DLG2: variants seen among roughly 807,000 people sequenced by gnomAD.
DLG2 encodes disks large homolog 2.
A neutral mutation model predicts 132.5 loss-of-function variants in DLG2; 45 were observed. The observed-to-expected ratio is 0.34, with a 90% CI of 0.27 to 0.44. The LOEUF is 0.44. Ranked by LOEUF, DLG2 falls within the 20% of genes least tolerant of loss-of-function variation. The probability of loss-of-function intolerance (pLI) is 1.00; values close to 1 mark genes in which losing one functional copy is unlikely to be tolerated. For missense variants in DLG2, 1,045 were observed against 1,196.9 expected, an observed-to-expected ratio of 0.87 and a Z score of 1.87; for synonymous variants, 424 against 419.6, an observed-to-expected ratio of 1.01 and a Z score of -0.13.
intron 15 of DLG2, among the ~76,000 whole-genome samples, chr11:83,917,142 C>T (rs79339106): frequency 0.018 from 2,769 of 152,256 alleles, 90 homozygotes; most frequent in African/African-American, 0.063. Flanking sequence ...AAGGCAATGA[C>T]AATTACCCTC....
chr11:84,050,077 A>C (rs1334247518), intron 11 of DLG2, among the ~76,000 whole-genome samples: 1 of 151,686 alleles, frequency 6.6e-6, no homozygotes, highest in East Asian at 1.9e-4. Context: ...ACTGAAACCA[A>C]GTTTTGTGGC....
chr11:84,842,754 T>C (rs1455789618), intron 6 of DLG2, among the ~76,000 whole-genome samples: 1 of 151,766 alleles, frequency 6.6e-6, no homozygotes, highest in Non-Finnish European at 1.5e-5. Context: ...AGTTTTAGGA[T>C]CATTAAAGGA....
intron 6 of DLG2, among the ~76,000 whole-genome samples, chr11:84,853,350 A>G (rs12362653): frequency 0.058 from 8,826 of 152,002 alleles, 371 homozygotes; most frequent in Non-Finnish European, 0.093. Flanking sequence ...TTCTTTTTCA[A>G]TAATATTACT....
chr11:84,429,823 A>G lies in DLG2; in HGVS notation c.519+104747T>C, dbSNP rs78122255. Among the ~76,000 whole-genome samples, 497 of 152,294 alleles carry G rather than the reference A, an allele frequency of 3.3e-3. 3 individuals carry two copies. The highest frequency in any genetic ancestry group is 0.012 in the African/African-American group (482 of 41,556). ...TTCCAACGTAATATCACTCAACAAT[A>G]TCAGGTAGAGGAATATCATTCTAAA... On this transcript the variant is annotated intron_variant, in intron 7 of 27. Coordinates refer to ENST00000376104, the MANE Select transcript of DLG2 (RefSeq NM_001142699.3).
intron 22 of DLG2, 120 bp from the exon 23 acceptor site, chr11:83,472,897 C>T: frequency 1.2e-6 from 1 of 800,784 alleles, no homozygotes; most frequent in Non-Finnish European, 2.0e-6. Flanking sequence ...GCTCTTTCTC[C>T]TTGAACCATT....
chr11:84,640,940 AAAAC>A (rs1484439786), intron 6 of DLG2, among the ~76,000 whole-genome samples: 1 of 143,700 alleles, frequency 7.0e-6, no homozygotes, highest in Admixed American at 6.8e-5. Flanking sequence ...ACTCTGTCTC[AAAAC>A]AAACAAACAA....
intron 19 of DLG2, among the ~76,000 whole-genome samples, chr11:83,624,119 CCAGAGTCTAG>C (rs1670331228): frequency 6.6e-6 from 1 of 152,078 alleles, no homozygotes; most frequent in African/African-American, 2.4e-5. Flanking sequence ...CTTTTTATTT[CCAGAGTCTAG>C]CAGAGTGTGA....
chr11:83,878,982 G>A (rs1265416286), intron 15 of DLG2, among the ~76,000 whole-genome samples: 4 of 152,116 alleles, frequency 2.6e-5, no homozygotes, highest in African/African-American at 9.7e-5. Context: ...GCACAATAGA[G>A]TTTCCTTTCC....
intron 7 of DLG2, among the ~76,000 whole-genome samples, chr11:84,413,961 T>C (rs1211058874): frequency 6.6e-6 from 1 of 152,202 alleles, no homozygotes; most frequent in African/African-American, 2.4e-5. Context: ...GAGTTCTTTT[T>C]ATCATAATAG....
chr11:83,696,497 A>G (rs891030469), intron 18 of DLG2, among the ~76,000 whole-genome samples: 10 of 152,224 alleles, frequency 6.6e-5, no homozygotes, highest in African/African-American at 2.4e-4. Context: ...CTTGAGTCAC[A>G]GTTTTGGGCA....
intron 22 of DLG2, chr11:83,480,470 C>T (rs1054872830): frequency 4.8e-5 from 73 of 1,511,416 alleles, no homozygotes; most frequent in Admixed American, 2.8e-4. Flanking sequence ...GCAGCCAGAA[C>T]GGAAAGGAAT....
In DLG2 at chr11:84,533,828, A is replaced by AT. The variant is rs1207572736; in HGVS notation, c.519+741dup. On this transcript the variant is annotated intron_variant, in intron 7 of 27. Coordinates refer to ENST00000376104, the MANE Select transcript of DLG2 (RefSeq NM_001142699.3). ...ATTCTGTTATTTCAGCCATATTCTGATTTTTTCTTTTTAAACTTTAATCAA... is the reference window on the plus strand; with the variant it reads ...ATTCTGTTATTTCAGCCATATTCTGATTTTTTTCTTTTTAAACTTTAATCAA... 4.9e-4 allele frequency among the ~76,000 whole-genome samples: 67 copies of AT among 136,662 alleles called. No individual in the cohort carries two copies. The Admixed American group carries it at 5.3e-3, about 11-fold the overall frequency. The allele number at this position is 136,662 out of a possible 152,430, so 89.7% of individuals were successfully genotyped here.
In DLG2 at chr11:83,914,629, A is replaced by G. The variant is rs537661795; in HGVS notation, c.1496+15699T>C. Among the ~76,000 whole-genome samples, 192 of 152,240 alleles carry G rather than the reference A, an allele frequency of 1.3e-3. 1 individual carries two copies. The highest frequency in any genetic ancestry group is 2.1e-3 in the Non-Finnish European group (145 of 68,022). On this transcript the variant is annotated intron_variant, in intron 15 of 27. Coordinates refer to ENST00000376104, the MANE Select transcript of DLG2 (RefSeq NM_001142699.3). ...ATACTTTTTAAAAAATTCTCATTTT[A>G]TGGATAAGGAAACTAAGGCATAAAG... is the stretch of plus-strand genomic sequence containing the variant.
intron 6 of DLG2, among the ~76,000 whole-genome samples, chr11:84,981,746 C>T (rs1269782716): frequency 3.9e-5 from 6 of 152,094 alleles, no homozygotes; most frequent in Non-Finnish European, 5.9e-5. Context: ...CCAGTTACTG[C>T]CCTGCCTCTC....
chr11:83,978,035 T>A (rs2154172043), intron 12 of DLG2, among the ~76,000 whole-genome samples: 1 of 152,160 alleles, frequency 6.6e-6, no homozygotes, highest in African/African-American at 2.4e-5. Flanking sequence ...CTCTGTAAAC[T>A]TGGAAAAGTT....
At chr11:83,730,146 GTTTTTTT>G (rs541441004) in intron 18 of DLG2, among the ~76,000 whole-genome samples, 1 of 111,004 alleles carries the variant, frequency 9.0e-6, no homozygotes, top group African/African-American at 3.5e-5. Context: ...TTTTTTTATG[GTTTTTTT>G]TTTTTTTTTT....
chr11:83,555,357 A>G lies in DLG2; in HGVS notation c.1941-13499T>C, dbSNP rs554200365. ...ACAGATGTGAGATGATCAGATTTAC[A>G]TCGAAAACAGATCTTTCTGGCTTTA... is the stretch of plus-strand genomic sequence containing the variant. On this transcript the variant is annotated intron_variant, in intron 19 of 27. Coordinates refer to ENST00000376104, the MANE Select transcript of DLG2 (RefSeq NM_001142699.3). 4.6e-5 allele frequency among the ~76,000 whole-genome samples: 7 copies of G among 152,362 alleles called. No individual in the cohort carries two copies. The South Asian group carries it at 1.5e-3, about 32-fold the overall frequency.
intron 7 of DLG2, among the ~76,000 whole-genome samples, chr11:84,400,788 T>C (rs1400612730): frequency 6.6e-6 from 1 of 152,212 alleles, no homozygotes; most frequent in Non-Finnish European, 1.5e-5. Context: ...TTTAAGGATT[T>C]TTCCCTAATA....
chr11:84,485,059 G>C (rs537183336), intron 7 of DLG2, among the ~76,000 whole-genome samples: 1 of 152,190 alleles, frequency 6.6e-6, no homozygotes, highest in African/African-American at 2.4e-5. Context: ...CCTGTGGCTT[G>C]CTTAAGTAAT....
Sources: allele counts gnomAD v4.1 joint callset (sites outside exome capture counted in the v4.1 genomes callset), GRCh38; gene constraint gnomAD v4.1.1; transcripts MANE v1.5; gene names NCBI Gene and HGNC (gene_info 2026-07-23, HGNC 2026-07-21).